Variants in ATG7 observed in about 807,000 individuals in gnomAD.
The protein encoded by ATG7 is autophagy related 7.
ATG7 carries 70 observed loss-of-function variants against 82.4 expected under a neutral mutation model. The ratio of observed to expected loss-of-function variants is 0.85; its 90% CI spans 0.70 to 1.04. The LOEUF (loss-of-function observed/expected upper bound fraction) is 1.04. Among genes scored for constraint, ATG7 ranks in the 50% least tolerant of loss-of-function variants. ATG7 has a pLI of 0.00. For synonymous variants in ATG7, 287 were observed against 313.0 expected (o/e 0.92, Z 0.88); for missense variants, 792 against 864.3 (o/e 0.92, Z 1.05).
chr3:11,424,892 T>C (rs891185320), intron 19 of ATG7, among the ~76,000 whole-genome samples: 4 of 152,244 alleles, frequency 2.6e-5, no homozygotes, highest in Non-Finnish European at 4.4e-5. Context: ...ATATTGCTTT[T>C]TAAATATATT....
chr3:11,557,699 A>G (rs1300972577), downstream of ATG7: 1 of 152,820 alleles, frequency 6.5e-6, no homozygotes, highest in African/African-American at 2.4e-5. Flanking sequence ...TTTACTGTCT[A>G]TATAATTAAT....
intron 20 of ATG7, among the ~76,000 whole-genome samples, chr3:11,461,694 A>G (rs1341963371): frequency 6.6e-6 from 1 of 152,162 alleles, no homozygotes; most frequent in Non-Finnish European, 1.5e-5. Flanking sequence ...AAACCAAGAC[A>G]CTTTGGCAAT....
chr3:11,485,638 A>C (rs1329772508), intron 20 of ATG7, among the ~76,000 whole-genome samples: 1 of 152,150 alleles, frequency 6.6e-6, no homozygotes, highest in Non-Finnish European at 1.5e-5. Context: ...CTGAATGGTA[A>C]TGCCTAGGTT....
chr3:11,387,386 C>T (rs2078402043), intron 19 of ATG7, among the ~76,000 whole-genome samples: 1 of 152,164 alleles, frequency 6.6e-6, no homozygotes, highest in African/African-American at 2.4e-5. Flanking sequence ...GATGATTACT[C>T]CTTTCCCTGT....
In ATG7 at chr3:11,422,740, C is replaced by CTTTTTTTTTTTTTTTTT. The variant is rs557755646; in HGVS notation, c.1957-4051_1957-4035dup. On this transcript the variant is annotated intron_variant, in intron 19 of 20. Transcript: ENST00000693202. Reference sequence around the variant, plus strand: ...CCTCACTATGCTTAATCATTTCTAGCTTTTTTTTTTTTTTTTTTTTTTTTT... The same window carrying CTTTTTTTTTTTTTTTTT: ...CCTCACTATGCTTAATCATTTCTAGCTTTTTTTTTTTTTTTTTTTTTTTTTTTTTTTTTTTTTTTTTT... 6.7e-4 allele frequency among the ~76,000 whole-genome samples: 33 copies of CTTTTTTTTTTTTTTTTT among 49,556 alleles called. 7 individuals are homozygous for CTTTTTTTTTTTTTTTTT. The highest frequency in any genetic ancestry group is 8.1e-4 in the African/African-American group (8 of 9,874). 32.5% of individuals were successfully genotyped at this position (49,556 alleles called of 152,430 possible).
intron 18 of ATG7, among the ~76,000 whole-genome samples, chr3:11,368,517 C>T (rs911111904): frequency 4.6e-5 from 7 of 152,068 alleles, no homozygotes; most frequent in Non-Finnish European, 1.0e-4. Context: ...CAAGGCTAGG[C>T]ACAGTGGCTC....
At chr3:11,425,914 CTTCT>C (rs754757340) in intron 19 of ATG7, among the ~76,000 whole-genome samples, 11 of 152,130 alleles carry the variant, frequency 7.2e-5, no homozygotes, top group Non-Finnish European at 1.6e-4. Flanking sequence ...GTACATACTG[CTTCT>C]TTCTTTTGTG....
chr3:11,527,092 TAC>T (rs1293562935), intron 20 of ATG7, among the ~76,000 whole-genome samples: 16 of 142,170 alleles, frequency 1.1e-4, no homozygotes, highest in African/African-American at 2.6e-4. Context: ...TATATATATA[TAC>T]ATACATATAC....
At chr3:11,573,281 AAGAAAGAAAGAAAG>A in the ATG7 span, among the ~76,000 whole-genome samples, 1 of 17,168 alleles carries the variant, frequency 5.8e-5, no homozygotes, top group African/African-American at 2.4e-4. Context: ...GAAAGAAAGA[AAGAAAGAAAGAAAG>A]AAAGAAAGAA....
intron 20 of ATG7, among the ~76,000 whole-genome samples, chr3:11,436,648 T>G (rs543056854): frequency 2.2e-4 from 33 of 152,224 alleles, no homozygotes; most frequent in African/African-American, 7.7e-4. Context: ...TGTCAAAAAG[T>G]GGAAACAATG....
Position 11,554,813 on chromosome 3 carries a change from C to A in ATG7, c.2082C>A (p.Ile694=), listed in dbSNP as rs1468361710. The part of the protein sequence containing the change: ...LLHQETQAAE[I]WDMSDDETI Reference sequence around the variant, plus strand: ...AGCCTCTCCCCTTCTCCATGCAGATCTGGGACATGAGCGATGATGAGACCA... The same window carrying A: ...AGCCTCTCCCCTTCTCCATGCAGATATGGGACATGAGCGATGATGAGACCA... The change falls in exon 21 of 21, where the codon ATC becomes ATA. Residue 694 remains isoleucine, a splice_region_variant and synonymous_variant. Transcript: ENST00000693202. 1 of 1,613,500 alleles carries A rather than the reference C, an allele frequency of 6.2e-7. No individual in the cohort carries two copies. Among genetic ancestry groups the A allele is most frequent in the East Asian group, 2.2e-5 (1 of 44,858 alleles).
At chr3:11,292,317 G>T (rs1189027074) in intron 3 of ATG7, among the ~76,000 whole-genome samples, 1 of 148,766 alleles carries the variant, frequency 6.7e-6, no homozygotes, top group Non-Finnish European at 1.5e-5. Context: ...GCAGTGGCAC[G>T]ATCTCCATCT....
At chr3:11,355,278 C>G (rs907148649) in intron 14 of ATG7, among the ~76,000 whole-genome samples, 70 of 152,142 alleles carry the variant, frequency 4.6e-4, no homozygotes, top group South Asian at 4.1e-4. Context: ...ATGTGATACC[C>G]AGAATGGCCC....
intron 20 of ATG7, among the ~76,000 whole-genome samples, chr3:11,547,836 A>G (rs1203410673): frequency 2.6e-5 from 4 of 152,196 alleles, no homozygotes; most frequent in African/African-American, 9.7e-5. Flanking sequence ...ATGTCTATCC[A>G]ACATCTTTGC....
intron 15 of ATG7, 89 bp from the exon 16 acceptor site, chr3:11,360,492 T>A: frequency 7.4e-7 from 1 of 1,351,748 alleles, no homozygotes; most frequent in Non-Finnish European, 1.0e-6. Flanking sequence ...AAAAAATAAA[T>A]TTTAAAAAGT....
downstream of ATG7, chr3:11,558,886 G>C (rs1399860546): frequency 3.2e-6 from 5 of 1,578,038 alleles, no homozygotes; most frequent in South Asian, 1.1e-5. Context: ...AGACAGGCAC[G>C]GTTGCAGCAC....
At chr3:11,525,512 G>T (rs556786952) in intron 20 of ATG7, among the ~76,000 whole-genome samples, 5 of 116,328 alleles carry the variant, frequency 4.3e-5, no homozygotes, top group Admixed American at 9.3e-5. Context: ...TTTGTTTGTT[G>T]ATTAACACCT....
intron 20 of ATG7, among the ~76,000 whole-genome samples, chr3:11,473,215 C>T (rs1559697336): frequency 6.6e-6 from 1 of 152,156 alleles, no homozygotes. Context: ...TTTTTTCCTG[C>T]CACTGTCAGC....
intron 11 of ATG7, among the ~76,000 whole-genome samples, chr3:11,337,519 A>G (rs1952735272): frequency 6.6e-6 from 1 of 151,638 alleles, no homozygotes; most frequent in South Asian, 2.1e-4. Context: ...AATTTGGTGT[A>G]TGTCTTATAG....
Sources: gnomAD v4.1 joint callset for allele counts (sites outside exome capture counted in the v4.1 genomes callset) on GRCh38, gnomAD v4.1.1 for gene constraint, MANE v1.5 for transcripts, NCBI Gene and HGNC (gene_info 2026-07-23, HGNC 2026-07-21) for gene names.